Variants in NAV2 observed in about 807,000 individuals in gnomAD.
NAV2 encodes neuron navigator 2.
A neutral mutation model predicts 223.2 loss-of-function variants in NAV2; 54 were observed. The ratio of observed to expected loss-of-function variants is 0.24; its 90% CI spans 0.19 to 0.30. The LOEUF (loss-of-function observed/expected upper bound fraction) is 0.30. NAV2 is among the 10% of genes least tolerant of loss of function. NAV2 has a pLI of 1.00. For synonymous variants in NAV2, 1,279 were observed against 1,239.3 expected (o/e 1.03, Z -0.67); for missense variants, 2,806 against 3,147.5 (o/e 0.89, Z 2.60).
chr11:20,033,606 C>T (rs1247433784), intron 11 of NAV2, among the ~76,000 whole-genome samples: 1 of 152,172 alleles, frequency 6.6e-6, no homozygotes, highest in African/African-American at 2.4e-5. Flanking sequence ...CCTCACTCTC[C>T]CTGCCTCATC....
At chr11:19,462,860 G>A (rs973255746) in intron 1 of NAV2, among the ~76,000 whole-genome samples, 2 of 152,330 alleles carry the variant, frequency 1.3e-5, no homozygotes, top group African/African-American at 4.8e-5. Context: ...AGATCCTGAA[G>A]CCAAGAGAAA....
At chr11:20,098,168 C>T (rs551605754) in intron 31 of NAV2, among the ~76,000 whole-genome samples, 26 of 152,236 alleles carry the variant, frequency 1.7e-4, no homozygotes, top group African/African-American at 3.4e-4. Flanking sequence ...CTTGTGCCCA[C>T]GCATGATGCT....
chr11:19,943,010 C>T (rs1030661883), intron 8 of NAV2, among the ~76,000 whole-genome samples: 7 of 152,156 alleles, frequency 4.6e-5, no homozygotes, highest in South Asian at 2.1e-4. Flanking sequence ...GAATTTCTAA[C>T]GGAGGGTTAA....
intron 11 of NAV2, among the ~76,000 whole-genome samples, chr11:20,002,315 G>A (rs2153487789): frequency 6.6e-6 from 1 of 152,290 alleles, no homozygotes; most frequent in Admixed American, 6.5e-5. Flanking sequence ...AACTCCTTGT[G>A]TAAGAGGTGC....
intron 1 of NAV2, among the ~76,000 whole-genome samples, chr11:19,490,414 T>A (rs2042586720): frequency 1.3e-5 from 2 of 152,230 alleles, no homozygotes; most frequent in Admixed American, 1.3e-4. Flanking sequence ...CTTTATTAAA[T>A]AAGCTTATAT....
chr11:19,519,970 A>G (rs1018040880), intron 1 of NAV2: 1 of 152,210 alleles, frequency 6.6e-6, no homozygotes, highest in Non-Finnish European at 1.5e-5. Flanking sequence ...GTGCTACATA[A>G]AGCAGATTAG....
intron 1 of NAV2, among the ~76,000 whole-genome samples, chr11:19,411,470 A>G (rs1850141884): frequency 6.6e-6 from 1 of 152,168 alleles, no homozygotes; most frequent in Non-Finnish European, 1.5e-5. Context: ...TGGCTGGAGT[A>G]TCTTTCTTCC....
chr11:19,697,836 T>G (rs965040679), intron 1 of NAV2, among the ~76,000 whole-genome samples: 15 of 152,236 alleles, frequency 9.9e-5, no homozygotes, highest in Non-Finnish European at 2.1e-4. Context: ...AGCTCCGTGC[T>G]GAGTGGGGAG....
At chr11:19,802,744 T>A (rs2058344721) in intron 1 of NAV2, among the ~76,000 whole-genome samples, 1 of 151,756 alleles carries the variant, frequency 6.6e-6, no homozygotes, top group Admixed American at 6.6e-5. Flanking sequence ...CACCAATGTT[T>A]TTTCATCCTG....
chr11:19,814,557 A>T (rs1003885338), intron 1 of NAV2, among the ~76,000 whole-genome samples: 1 of 152,140 alleles, frequency 6.6e-6, no homozygotes, highest in Non-Finnish European at 1.5e-5. Context: ...AGTTACTGTA[A>T]CTCAGGGGCT....
intron 1 of NAV2, among the ~76,000 whole-genome samples, chr11:19,437,447 A>C (rs1330500752): frequency 1.3e-5 from 2 of 150,774 alleles, no homozygotes; most frequent in Non-Finnish European, 3.0e-5. Context: ...CCCACCCCAC[A>C]CTCTGCTTCC....
intron 1 of NAV2, among the ~76,000 whole-genome samples, chr11:19,680,686 G>A (rs1168145579): frequency 2.0e-5 from 3 of 152,216 alleles, no homozygotes; most frequent in Non-Finnish European, 4.4e-5. Flanking sequence ...TCTGCAAAAT[G>A]GGGATAATAA....
At chr11:19,980,501 G>T (rs916906298) in intron 10 of NAV2, among the ~76,000 whole-genome samples, 1 of 152,194 alleles carries the variant, frequency 6.6e-6, no homozygotes, top group African/African-American at 2.4e-5. Flanking sequence ...TTCACCCAGT[G>T]TGAGCCTCTT....
intron 1 of NAV2, among the ~76,000 whole-genome samples, chr11:19,685,494 A>G (rs1469494726): frequency 6.6e-6 from 1 of 152,120 alleles, no homozygotes. Flanking sequence ...GGGCTCCAAG[A>G]TAATGTTAAG....
At chr11:19,988,500 C>G (rs1019220210) in intron 11 of NAV2, among the ~76,000 whole-genome samples, 1 of 151,986 alleles carries the variant, frequency 6.6e-6, no homozygotes, top group Non-Finnish European at 1.5e-5. Context: ...GAAAATCGCC[C>G]TCCACCTTTG....
chr11:19,593,290 C>A (rs1317321218), intron 1 of NAV2, among the ~76,000 whole-genome samples: 1 of 152,180 alleles, frequency 6.6e-6, no homozygotes, highest in African/African-American at 2.4e-5. Flanking sequence ...TCCCACTCAG[C>A]ATAATGTCTT....
At chr11:20,040,587 C>T (rs2056820639) in intron 12 of NAV2, among the ~76,000 whole-genome samples, 2 of 152,292 alleles carry the variant, frequency 1.3e-5, no homozygotes, top group Admixed American at 6.5e-5. Flanking sequence ...CTCCTCAGGC[C>T]TCACCTCTTG....
chr11:19,623,321 G>A (rs1261162278), intron 1 of NAV2, among the ~76,000 whole-genome samples: 3 of 152,162 alleles, frequency 2.0e-5, no homozygotes, highest in Non-Finnish European at 4.4e-5. Flanking sequence ...TGCCTTGCTA[G>A]GTTGAGGAAG....
At chr11:19,897,723 T>G (rs937118713) in intron 6 of NAV2, among the ~76,000 whole-genome samples, 6 of 152,064 alleles carry the variant, frequency 3.9e-5, no homozygotes, top group Non-Finnish European at 7.4e-5. Context: ...AAGACTGATC[T>G]CAGATTTTGC....
Sources: allele counts gnomAD v4.1 joint callset (sites outside exome capture counted in the v4.1 genomes callset), GRCh38; gene constraint gnomAD v4.1.1; transcripts MANE v1.5; gene names NCBI Gene and HGNC (gene_info 2026-07-23, HGNC 2026-07-21).